Variants in NEU1 observed in about 807,000 individuals in gnomAD.
NEU1 encodes the protein neuraminidase 1, also known as sialidase-1.
NEU1 carries 32 observed loss-of-function variants against 38.3 expected under a neutral mutation model. The observed-to-expected ratio is 0.84, with a 90% CI of 0.63 to 1.12. NEU1 has a LOEUF of 1.12. Among genes scored for constraint, NEU1 ranks in the 50% most tolerant of loss-of-function variants. The pLI is 0.00. For missense variants in NEU1, 431 were observed against 549.2 expected (o/e 0.78, Z 2.15); for synonymous variants, 192 against 225.2 (o/e 0.85, Z 1.32).
In NEU1 at chr6:31,862,786, C is replaced by G; in HGVS notation, c.-10G>C. ...GTCGCTCCCCAGTCATCTCTCCCCG[C>G]AGCTGCCGCGACCCTGGCAGCTAGA... On this transcript the variant is annotated 5_prime_UTR_variant, in exon 1 of 6. Coordinates refer to ENST00000375631, the MANE Select transcript of NEU1 (RefSeq NM_000434.4). This position sits in a 1 kb window ranked among gnomAD's most constrained non-coding sequence, Gnocchi z 6.3. 1 of 1,612,600 alleles carries G rather than the reference C, an allele frequency of 6.2e-7. No homozygotes were observed. Among genetic ancestry groups the G allele is most frequent in the Non-Finnish European group, 8.5e-7 (1 of 1,179,880 alleles).
In NEU1 at chr6:31,859,626, T is replaced by A. The variant is rs1032947933; in HGVS notation, c.*93A>T. ...GCTGGAGTCTAAAGGAAGATGGAAC[T>A]GTCTTTCAGGCGTCTCCAGCAGACC... On this transcript the variant is annotated 3_prime_UTR_variant, in exon 6 of 6. Coordinates refer to ENST00000375631, the MANE Select transcript of NEU1 (RefSeq NM_000434.4). 1.6e-6 allele frequency: 2 copies of A among 1,255,318 alleles called. No homozygotes were observed. Among genetic ancestry groups the A allele is most frequent in the Non-Finnish European group, 2.3e-6 (2 of 869,534 alleles). The allele number at this position is 1,255,318 out of a possible 1,614,324, so 77.8% of individuals were successfully genotyped here. A position where few individuals can be genotyped will look rare whatever the true frequency, so the allele number is the denominator to read the frequency against.
Position 31,862,024 on chromosome 6 carries a change from G to A in NEU1, c.327C>T (p.Ile109=). 1 of 1,613,104 alleles carries A rather than the reference G, an allele frequency of 6.2e-7. No individual in the cohort carries two copies. Among genetic ancestry groups the A allele is most frequent in the Non-Finnish European group, 8.5e-7 (1 of 1,180,040 alleles). ...MSSSDEGAKF[I]ALRRSMDQGS... ...CCTGGTCCATGGACCTCCGCAGGGC[G>A]ATGAACTTGGCCCCCTCATCGGATG... The change falls in exon 2 of 6, where the codon ATC becomes ATT. Residue 109 remains isoleucine (I), a synonymous_variant. Transcript: ENST00000375631. The surrounding 1 kb of genome is among the most constrained non-coding windows in gnomAD (Gnocchi z 6.3).
chr6:31,861,099 A>G, intron 3 of NEU1, 89 bp downstream of exon 3: 1 of 1,586,184 alleles, frequency 6.3e-7, no homozygotes, highest in Admixed American at 1.7e-5. Flanking sequence ...GACTTCAGAG[A>G]ATCTTCCCCT....
chr6:31,859,997 T>TAGAC (rs780199136), intron 5 of NEU1, 45 bp downstream of exon 5: 15 of 1,612,548 alleles, frequency 9.3e-6, no homozygotes, highest in Non-Finnish European at 1.2e-5. Context: ...AGGCCTTGTC[T>TAGAC]AGACACAGGG....
chr6:31,862,020 G>A lies in NEU1; in HGVS notation c.331C>T (p.Leu111=), dbSNP rs1762537478. 1 of 1,613,086 alleles carries A rather than the reference G, an allele frequency of 6.2e-7. No individual in the cohort carries two copies. The highest frequency in any genetic ancestry group is 8.5e-7 in the Non-Finnish European group (1 of 1,180,034). The change falls in exon 2 of 6, where the codon CTG becomes TTG. Residue 111 remains leucine (L), a synonymous_variant. Transcript: ENST00000375631. The surrounding 1 kb of genome is among the most constrained non-coding windows in gnomAD (Gnocchi z 6.3). The part of the protein sequence containing the change: ...SSDEGAKFIA[L]RRSMDQGSTW... ...ATACCCTGGTCCATGGACCTCCGCAGGGCGATGAACTTGGCCCCCTCATCG... is the reference window on the plus strand; with the variant it reads ...ATACCCTGGTCCATGGACCTCCGCAAGGCGATGAACTTGGCCCCCTCATCG...
At position 31,860,650 on chromosome 6, in the gene NEU1, A is replaced by C. The variant is rs761147637; in HGVS notation, c.616-29T>G. On this transcript the variant is annotated intron_variant, in intron 3 of 5. Transcript: ENST00000375631. This position sits in a 1 kb window ranked among gnomAD's most constrained non-coding sequence, Gnocchi z 4.8. ...TGGGAAAGGGAACTGGGTGTCACAG[A>C]AGGAGACTCTAGGGGCTCAGAGGCA... 6.2e-7 allele frequency: 1 copy of C among 1,612,206 alleles called. No homozygotes were observed. The highest frequency in any genetic ancestry group is 1.1e-5 in the South Asian group (1 of 91,034).
At chr6:31,859,987 A>G in intron 5 of NEU1, 42 bp from the exon 6 acceptor site, 1 of 1,612,392 alleles carries the variant, frequency 6.2e-7, no homozygotes, top group Non-Finnish European at 8.5e-7. Flanking sequence ...GTCTCTGCCC[A>G]GGCCTTGTCT....
At chr6:31,861,050 C>T (rs1387092603) in intron 3 of NEU1, 138 bp downstream of exon 3, 13 of 1,205,578 alleles carry the variant, frequency 1.1e-5, no homozygotes, top group African/African-American at 1.1e-4. Flanking sequence ...TACCAGGATG[C>T]CCTGTCTTTC....
rs1025068714 is a variant in NEU1, at chr6:31,862,072, A to G, written c.279T>C (p.Phe93=). 18 of 1,612,986 alleles carry G rather than the reference A, an allele frequency of 1.1e-5. No individual in the cohort carries two copies. Among genetic ancestry groups the G allele is most frequent in the Non-Finnish European group, 1.5e-5 (18 of 1,180,046 alleles). ...ATGAGGACATTTTCCTCGCCTCAGC[A>G]AAGGCGAGAAGAGTGCCCCGCGGAG... ...TATPRGTLLA[F]AEARKMSSSD... The change falls in exon 2 of 6, where the codon TTT becomes TTC. Residue 93 remains phenylalanine, a synonymous_variant. Coordinates refer to ENST00000375631, the MANE Select transcript of NEU1 (RefSeq NM_000434.4). The surrounding 1 kb of genome is among the most constrained non-coding windows in gnomAD (Gnocchi z 6.3).
At chr6:31,861,621 A>T (rs981143693) in intron 2 of NEU1, 171 bp from the exon 3 acceptor site, 1 of 776,798 alleles carries the variant, frequency 1.3e-6, no homozygotes, top group Non-Finnish European at 2.1e-6. Context: ...ATTTTTCTCC[A>T]TTGCATTTAT....
Position 31,859,444 on chromosome 6 carries a change from T to A in NEU1, c.*275A>T. 1 of 581,316 alleles carries A rather than the reference T, an allele frequency of 1.7e-6. No homozygotes were observed. The highest frequency in any genetic ancestry group is 2.8e-5 in the Admixed American group (1 of 35,114). 36.0% of individuals were successfully genotyped at this position (581,316 alleles called of 1,614,324 possible). ...ACCTGCCCAAGACAGGACCAATCAA[T>A]GTCCCGGGAGGGCAGAGAGGGTGGT... On this transcript the variant is annotated 3_prime_UTR_variant, in exon 6 of 6. Transcript: ENST00000375631.
Position 31,862,472 on chromosome 6 carries a change from G to T in NEU1, c.159+146C>A. 1 of 1,182,660 alleles carries T rather than the reference G, an allele frequency of 8.5e-7. No homozygotes were observed. Among genetic ancestry groups the T allele is most frequent in the African/African-American group, 1.5e-5 (1 of 66,344 alleles). 73.3% of individuals were successfully genotyped at this position (1,182,660 alleles called of 1,614,324 possible). ...GACGGGGACCCGGAGAGGGAGAGGG[G>T]CTGGGAGCGGTAGGAGGAAACGGGG... is the stretch of plus-strand genomic sequence containing the variant. On this transcript the variant is annotated intron_variant, in intron 1 of 5. Transcript: ENST00000375631. The surrounding 1 kb of genome is among the most constrained non-coding windows in gnomAD (Gnocchi z 6.3).
At position 31,862,802 on chromosome 6, in the gene NEU1, G is replaced by A. The variant is rs2151547799; in HGVS notation, c.-26C>T. 6.2e-7 allele frequency: 1 copy of A among 1,612,238 alleles called. No homozygotes were observed. Among genetic ancestry groups the A allele is most frequent in the Non-Finnish European group, 8.5e-7 (1 of 1,179,766 alleles). ...CTCTCCCCGCAGCTGCCGCGACCCT[G>A]GCAGCTAGACTCCACAGAGTCGGGA... On this transcript the variant is annotated 5_prime_UTR_variant, in exon 1 of 6. Coordinates refer to ENST00000375631, the MANE Select transcript of NEU1 (RefSeq NM_000434.4). The surrounding 1 kb of genome is among the most constrained non-coding windows in gnomAD (Gnocchi z 6.3).
At chr6:31,861,688 A>T (rs1192040205) in intron 2 of NEU1, 3 of 630,156 alleles carry the variant, frequency 4.8e-6, no homozygotes, top group Non-Finnish European at 8.3e-6. Context: ...GTCTCCTTCC[A>T]GTACAATTTA....
Position 31,859,540 on chromosome 6 carries a change from G to A in NEU1, c.*179C>T, listed in dbSNP as rs1762420261. 2 of 703,592 alleles carry A rather than the reference G, an allele frequency of 2.8e-6. No individual in the cohort carries two copies. Among genetic ancestry groups the A allele is most frequent in the South Asian group, 1.5e-5 (1 of 64,696 alleles). 43.6% of individuals were successfully genotyped at this position (703,592 alleles called of 1,614,324 possible). A position where few individuals can be genotyped will look rare whatever the true frequency, so the allele number is the denominator to read the frequency against. ...GCAGGACTTTTTTGTGGGAGAGGAC[G>A]CCTAGCTTTCAGTCCTAAAGGAAGT... On this transcript the variant is annotated 3_prime_UTR_variant, in exon 6 of 6. Coordinates refer to ENST00000375631, the MANE Select transcript of NEU1 (RefSeq NM_000434.4).
intron 3 of NEU1, 36 bp downstream of exon 3, chr6:31,861,152 A>G: frequency 6.2e-7 from 1 of 1,610,898 alleles, no homozygotes; most frequent in Non-Finnish European, 8.5e-7. Flanking sequence ...ACTCTCCACA[A>G]GGCAGCCCCC....
At position 31,862,808 on chromosome 6, in the gene NEU1, T is replaced by C; in HGVS notation, c.-32A>G. ...CCGCAGCTGCCGCGACCCTGGCAGCTAGACTCCACAGAGTCGGGAGTCAGC... is the reference window on the plus strand; with the variant it reads ...CCGCAGCTGCCGCGACCCTGGCAGCCAGACTCCACAGAGTCGGGAGTCAGC... On this transcript the variant is annotated 5_prime_UTR_variant, in exon 1 of 6. Coordinates refer to ENST00000375631, the MANE Select transcript of NEU1 (RefSeq NM_000434.4). The surrounding 1 kb of genome is among the most constrained non-coding windows in gnomAD (Gnocchi z 6.3). The C allele has an allele frequency of 6.2e-7, 1 of 1,612,012 alleles. No individual in the cohort carries two copies. The highest frequency in any genetic ancestry group is 2.2e-5 in the East Asian group (1 of 44,856).
Position 31,860,591 on chromosome 6 carries a change from T to G in NEU1, c.646A>C (p.Ile216Leu). The part of the protein sequence containing the change: ...KQREPRKGRL[I>L]VCGHGTLERD... ...TCCAGCGTCCCATGGCCACACACGA[T>G]GAGGCGGCCCTTCCGTGGCTCCCGC... is the stretch of plus-strand genomic sequence containing the variant. The change falls in exon 4 of 6, where the codon ATC becomes CTC. Residue 216 changes from isoleucine (I) to leucine (L), a missense_variant. Ile to Leu is a conservative substitution (Grantham distance 5). Coordinates refer to ENST00000375631, the MANE Select transcript of NEU1 (RefSeq NM_000434.4). This position sits in a 1 kb window ranked among gnomAD's most constrained non-coding sequence, Gnocchi z 4.8. The G allele has an allele frequency of 2.1e-5, 34 of 1,613,976 alleles. No homozygotes were observed. The highest frequency in any genetic ancestry group is 2.7e-5 in the Non-Finnish European group (32 of 1,180,012).
In NEU1 at chr6:31,862,517, T is replaced by C; in HGVS notation, c.159+101A>G. Reference sequence around the variant, plus strand: ...ACGGGGTCTGGGAGAAAGAAAAGGGTCCTGTCGCGGAAAGTCGGCTCAGCC... The same window carrying C: ...ACGGGGTCTGGGAGAAAGAAAAGGGCCCTGTCGCGGAAAGTCGGCTCAGCC... On this transcript the variant is annotated intron_variant, in intron 1 of 5. Transcript: ENST00000375631. The surrounding 1 kb of genome is among the most constrained non-coding windows in gnomAD (Gnocchi z 6.3). 1 of 1,525,582 alleles carries C rather than the reference T, an allele frequency of 6.6e-7. No individual in the cohort carries two copies. Among genetic ancestry groups the C allele is most frequent in the Non-Finnish European group, 9.1e-7 (1 of 1,103,092 alleles). 94.5% of individuals were successfully genotyped at this position (1,525,582 alleles called of 1,614,324 possible). A position where few individuals can be genotyped will look rare whatever the true frequency, so the allele number is the denominator to read the frequency against.
Sources: gnomAD v4.1 joint callset for allele counts on GRCh38, gnomAD v4.1.1 for gene constraint, Gnocchi (gnomAD v3.1) non-coding constraint, MANE v1.5 for transcripts, NCBI Gene and HGNC (gene_info 2026-07-23, HGNC 2026-07-21) for gene names.